DGKK: variants seen among roughly 807,000 people sequenced by gnomAD.
The protein encoded by DGKK is 142 kDa diacylglycerol kinase.
In DGKK, 35 loss-of-function variants were observed where a neutral mutation model predicts 92.2. That is an observed-to-expected ratio of 0.38 (90% CI 0.29 to 0.50). The LOEUF (loss-of-function observed/expected upper bound fraction) is 0.50. Ranked by LOEUF, DGKK falls within the 20% of genes least tolerant of loss-of-function variation. The probability of loss-of-function intolerance (pLI) is 0.92; values close to 1 mark genes in which losing one functional copy is unlikely to be tolerated. For missense variants in DGKK, 910 were observed against 992.2 expected (o/e 0.92, Z 1.11); for synonymous variants, 368 against 360.6 (o/e 1.02, Z -0.23).
chrX:50,435,849 A>G (rs1926009323), intron 1 of DGKK, among the ~76,000 whole-genome samples: 1 of 111,425 alleles, frequency 9.0e-6, no homozygotes, highest in Non-Finnish European at 1.9e-5. Flanking sequence ...AGTGTCAGGT[A>G]AGGTCACCTC....
intron 3 of DGKK, 39 bp from the exon 4 acceptor site, chrX:50,420,546 A>G (rs376951605): frequency 3.7e-5 from 43 of 1,150,922 alleles, no homozygotes; most frequent in Non-Finnish European, 4.3e-5. Flanking sequence ...TTCCCACTCC[A>G]TAACTTTGCC....
chrX:50,373,472 G>C (rs979938480), intron 25 of DGKK, among the ~76,000 whole-genome samples: 20 of 111,920 alleles, frequency 1.8e-4, no homozygotes, highest in African/African-American at 5.2e-4. Flanking sequence ...CATGAGCCTC[G>C]GGAAAGTGGC....
At chrX:50,415,430 C>T (rs1284380939) in intron 4 of DGKK, among the ~76,000 whole-genome samples, 2 of 111,989 alleles carry the variant, frequency 1.8e-5, no homozygotes, top group Non-Finnish European at 3.8e-5. Context: ...GGTTGTTTAC[C>T]CTCAAGATTG....
At chrX:50,375,128 G>T in intron 24 of DGKK, 71 bp from the exon 25 acceptor site, 1 of 843,508 alleles carries the variant, frequency 1.2e-6, no homozygotes, top group Non-Finnish European at 1.7e-6. Context: ...TAAGCATGCA[G>T]CTGTCTTCTC....
At chrX:50,422,380 C>T in intron 3 of DGKK, 66 bp downstream of exon 3, 4 of 902,472 alleles carry the variant, frequency 4.4e-6, no homozygotes, top group Non-Finnish European at 6.1e-6. Flanking sequence ...AAGAAGTGGT[C>T]ATGGAAAGCT....
chrX:50,469,206 C>T (rs970906943), intron 1 of DGKK, among the ~76,000 whole-genome samples: 35 of 111,797 alleles, frequency 3.1e-4, no homozygotes, highest in African/African-American at 1.1e-3. Context: ...TTCACACGTT[C>T]TGCAATCCCA....
intron 7 of DGKK, among the ~76,000 whole-genome samples, chrX:50,402,363 A>G (rs1340239966): frequency 2.7e-5 from 3 of 112,175 alleles, no homozygotes; most frequent in African/African-American, 9.7e-5. Context: ...GGCTGCAGTG[A>G]GCTGTGATTG....
chrX:50,463,356 T>C (rs1926809917), intron 1 of DGKK, among the ~76,000 whole-genome samples: 1 of 7,575 alleles, frequency 1.3e-4, no homozygotes, highest in Non-Finnish European at 2.1e-4. Flanking sequence ...CCCCTCTTTC[T>C]TTTTCCCTCT....
At chrX:50,415,459 G>A (rs1235453566) in intron 4 of DGKK, among the ~76,000 whole-genome samples, 2 of 111,980 alleles carry the variant, frequency 1.8e-5, no homozygotes, top group African/African-American at 6.5e-5. Context: ...ACTGGGAACT[G>A]TGGCTTGCTG....
rs1442835595 is a variant in DGKK, at chrX:50,379,635, C to T, written c.2854G>A (p.Ala952Thr). Reference sequence around the variant, plus strand: ...CCTTGTTCCATACTAACCGTGGTTGCTGTGTTGCTTCCCCAGAAGTTGATA... The same window carrying T: ...CCTTGTTCCATACTAACCGTGGTTGTTGTGTTGCTTCCCCAGAAGTTGATA... Reference protein sequence around the residue: ...GGINFWGSNTATTEYEAPAID... With the variant: ...GGINFWGSNTTTTEYEAPAID... The change falls in exon 20 of 28, where the codon GCA becomes ACA. Residue 952 changes from alanine (A) to threonine (T), a missense_variant. Ala to Thr is a moderately conservative substitution (Grantham distance 58, BLOSUM62 0). Coordinates refer to ENST00000611977, the MANE Select transcript of DGKK (RefSeq NM_001013742.4). The T allele has an allele frequency of 2.5e-6, 3 of 1,207,481 alleles. No homozygotes were observed. Among genetic ancestry groups the T allele is most frequent in the African/African-American group, 3.5e-5 (2 of 57,735 alleles).
chrX:50,388,481 T>C (rs1557225216), intron 13 of DGKK, 46 bp downstream of exon 13: 1 of 1,028,770 alleles, frequency 9.7e-7, no homozygotes, highest in African/African-American at 1.8e-5. Flanking sequence ...GCCCCATGTC[T>C]GACCTGGGAA....
chrX:50,392,389 G>A lies in DGKK; in HGVS notation c.1656C>T (p.Ser552=), dbSNP rs1924722770. The part of the protein sequence containing the change: ...FRILVCGGDG[S]VSWVLSLIDA... ...CAATCAGAGATAAGACCCAGCTCACGCTGCCATCTCCACCACAAACCAGAA... is the reference window on the plus strand; with the variant it reads ...CAATCAGAGATAAGACCCAGCTCACACTGCCATCTCCACCACAAACCAGAA... The change falls in exon 10 of 28, where the codon AGC becomes AGT. Residue 552 remains serine, a synonymous_variant. Transcript: ENST00000611977. The A allele has an allele frequency of 3.2e-5, 39 of 1,211,196 alleles. No individual in the cohort carries two copies. Among genetic ancestry groups the A allele is most frequent in the Middle Eastern group, 2.3e-4 (1 of 4,346 alleles).
intron 1 of DGKK, among the ~76,000 whole-genome samples, chrX:50,429,139 A>C (rs17003349): frequency 0.03 from 3,326 of 111,525 alleles, 114 homozygotes; most frequent in African/African-American, 0.1. Context: ...GGCAGATAAT[A>C]TCATCTCATT....
chrX:50,439,344 G>T (rs905796252), intron 1 of DGKK, among the ~76,000 whole-genome samples: 9 of 111,479 alleles, frequency 8.1e-5, no homozygotes, highest in Admixed American at 2.9e-4. Context: ...TATTAGGTGT[G>T]TGTCCTTGGG....
intron 26 of DGKK, 140 bp from the exon 27 acceptor site, chrX:50,370,689 C>G (rs1924100894): frequency 3.0e-6 from 2 of 660,822 alleles, no homozygotes; most frequent in Non-Finnish European, 4.3e-6. Context: ...GAGAAACACC[C>G]CCATCACTGG....
rs201791232 is a variant in DGKK at position 50,470,150 on chromosome X, G to A, written c.529C>T (p.Pro177Ser). The A allele has an allele frequency of 9.9e-5, 120 of 1,211,066 alleles. No homozygotes were observed. The highest frequency in any genetic ancestry group is 1.3e-4 in the Non-Finnish European group (117 of 895,343). ...GGACATTGCAATAGACATGGTGCTG[G>A]ACTTGGACGGAACTCTGGAGCCGCC... is the stretch of plus-strand genomic sequence containing the variant. ...PEAAPEFRPSPAPCLLQCPVD... is the reference protein window; with the variant it reads ...PEAAPEFRPSSAPCLLQCPVD... Residue 177 changes from proline to serine, a missense_variant, in exon 1 of 28, where the codon CCA becomes TCA. Physicochemically the swap from Pro to Ser is moderately conservative, Grantham distance 74. Transcript: ENST00000611977.
At chrX:50,469,827 C>T (rs1927008316) in intron 1 of DGKK, among the ~76,000 whole-genome samples, 1 of 111,824 alleles carries the variant, frequency 8.9e-6, no homozygotes. Flanking sequence ...TAGCCCCAAA[C>T]AGCCCATTCT....
intron 14 of DGKK, among the ~76,000 whole-genome samples, chrX:50,386,789 G>T (rs1924555948): frequency 8.9e-6 from 1 of 111,784 alleles, no homozygotes; most frequent in Non-Finnish European, 1.9e-5. Flanking sequence ...ACCAAAGGGT[G>T]TTAGGAGATC....
intron 8 of DGKK, among the ~76,000 whole-genome samples, chrX:50,394,384 T>C (rs1160726184): frequency 9.0e-6 from 1 of 111,653 alleles, no homozygotes; most frequent in African/African-American, 3.3e-5. Flanking sequence ...TCCCACTCAC[T>C]GGCCAGTGGA....
Sources: gnomAD v4.1 joint callset for allele counts (sites outside exome capture counted in the v4.1 genomes callset) on GRCh38, gnomAD v4.1.1 for gene constraint, MANE v1.5 for transcripts, NCBI Gene and HGNC (gene_info 2026-07-23, HGNC 2026-07-21) for gene names.